The following FMN1 variants were observed in gnomAD, a reference collection of about 807,000 sequenced individuals.
FMN1 encodes the protein formin-1.
Under a neutral mutation model 132.4 loss-of-function variants are expected in FMN1, and 110 were observed. The observed-to-expected ratio is 0.83, with a 90% confidence interval of 0.71 to 0.97. The LOEUF (loss-of-function observed/expected upper bound fraction) is 0.97. FMN1 is among the 50% of genes least tolerant of loss of function. The pLI, the probability that FMN1 is intolerant of heterozygous loss-of-function variation, is 0.00. For synonymous variants in FMN1, 722 were observed against 651.7 expected, an observed-to-expected ratio of 1.11 and a Z score of -1.64; for missense variants, 1,792 against 1,705.3, an observed-to-expected ratio of 1.05 and a Z score of -0.90.
chr15:32,876,818 A>G (rs527266720), intron 16 of FMN1, among the ~76,000 whole-genome samples: 57 of 152,386 alleles, frequency 3.7e-4, no homozygotes, highest in Non-Finnish European at 6.9e-4. Flanking sequence ...CGACAGATTC[A>G]TAATTCAAGT....
intron 9 of FMN1, among the ~76,000 whole-genome samples, chr15:32,944,045 A>T (rs72719339): frequency 0.019 from 2,887 of 152,276 alleles, 101 homozygotes; most frequent in East Asian, 0.12. Context: ...CTAATATGGC[A>T]GTGACTACAA....
intron 15 of FMN1, among the ~76,000 whole-genome samples, chr15:32,891,854 G>T (rs1195384442): frequency 6.6e-6 from 1 of 152,004 alleles, no homozygotes; most frequent in African/African-American, 2.4e-5. Context: ...TTGATTCTCT[G>T]CTTGGTCACT....
intron 17 of FMN1, among the ~76,000 whole-genome samples, chr15:32,830,455 T>C (rs2058472986): frequency 6.6e-6 from 1 of 152,202 alleles, no homozygotes. Flanking sequence ...TTTTCACCTC[T>C]AGATGAATTT....
At chr15:33,119,543 C>CTA (rs1275082777) in intron 4 of FMN1, among the ~76,000 whole-genome samples, 8 of 152,302 alleles carry the variant, frequency 5.3e-5, no homozygotes, top group African/African-American at 1.9e-4. Flanking sequence ...GGTTTCGCCA[C>CTA]TTTATAGCCC....
chr15:32,984,069 T>C (rs1415831894), intron 7 of FMN1, among the ~76,000 whole-genome samples: 1 of 152,210 alleles, frequency 6.6e-6, no homozygotes, highest in Non-Finnish European at 1.5e-5. Flanking sequence ...TACCGCATTA[T>C]ACTTATGATG....
chr15:33,090,950 A>G (rs111835741), intron 4 of FMN1, among the ~76,000 whole-genome samples: 5 of 152,174 alleles, frequency 3.3e-5, no homozygotes, highest in African/African-American at 7.2e-5. Flanking sequence ...CTTTGGCATA[A>G]ATTTTTTAAA....
chr15:32,848,368 TAG>T (rs947449566), intron 17 of FMN1, among the ~76,000 whole-genome samples: 3 of 149,054 alleles, frequency 2.0e-5, no homozygotes, highest in African/African-American at 5.2e-5. Context: ...GTGTGTGTAT[TAG>T]ACTGTCTTGA....
chr15:32,829,238 A>T (rs1237338720), intron 17 of FMN1, among the ~76,000 whole-genome samples: 1 of 152,232 alleles, frequency 6.6e-6, no homozygotes, highest in African/African-American at 2.4e-5. Context: ...TGCAATATAT[A>T]ATCTAAGATG....
chr15:33,157,655 G>C (rs1964726940), intron 3 of FMN1, among the ~76,000 whole-genome samples: 1 of 151,874 alleles, frequency 6.6e-6, no homozygotes, highest in African/African-American at 2.4e-5. Context: ...TGTTAACTTG[G>C]TGTTACATAA....
chr15:33,124,998 A>C (rs1293233793), intron 4 of FMN1, among the ~76,000 whole-genome samples: 1 of 152,172 alleles, frequency 6.6e-6, no homozygotes, highest in Non-Finnish European at 1.5e-5. Context: ...TATTCCTGGA[A>C]TGTATAAAAT....
chr15:32,940,569 A>G (rs191089676), intron 9 of FMN1, among the ~76,000 whole-genome samples: 1 of 152,024 alleles, frequency 6.6e-6, no homozygotes, highest in Admixed American at 6.6e-5. Context: ...AAATGCCAAG[A>G]CTCTTATTTA....
intron 9 of FMN1, among the ~76,000 whole-genome samples, chr15:32,935,353 T>A (rs758049915): frequency 6.6e-6 from 1 of 152,228 alleles, no homozygotes; most frequent in Non-Finnish European, 1.5e-5. Flanking sequence ...TGGGGTGCCC[T>A]TATATGAGTT....
rs2030940711 is a variant in FMN1, at chr15:32,964,130, C to A, written c.3115G>T (p.Glu1039Ter). 1 of 1,611,700 alleles carries A rather than the reference C, an allele frequency of 6.2e-7. No homozygotes were observed. The highest frequency in any genetic ancestry group is 1.7e-5 in the Admixed American group (1 of 59,618). The part of the protein sequence containing the change: ...QKKKPLSETY[E>*]KKNKVKKIIK... ...ACCTTTTTGACCTTGTTTTTCTTCT[C>A]ATAAGTCTCTGACAGAGGTTTTTTC... Residue 1039 changes from glutamate to a stop codon, truncating the protein, a stop_gained, in exon 9 of 21, where the codon GAG becomes TAG. Transcript: ENST00000616417. LOFTEE classifies it high-confidence loss of function.
intron 16 of FMN1, among the ~76,000 whole-genome samples, chr15:32,864,995 G>A (rs1016810754): frequency 2.6e-5 from 4 of 152,122 alleles, no homozygotes; most frequent in African/African-American, 9.7e-5. Flanking sequence ...AGTAAGAAAA[G>A]CCAATCACAA....
At chr15:32,861,818 C>A (rs931279454) in intron 16 of FMN1, among the ~76,000 whole-genome samples, 2 of 152,136 alleles carry the variant, frequency 1.3e-5, no homozygotes, top group South Asian at 4.1e-4. Flanking sequence ...CTGAAGAATG[C>A]AGGCGAAGTC....
chr15:32,819,338 G>A (rs972305014), intron 17 of FMN1, among the ~76,000 whole-genome samples: 17 of 152,144 alleles, frequency 1.1e-4, no homozygotes, highest in Non-Finnish European at 2.2e-4. Flanking sequence ...ATGCCCAGCA[G>A]GATAGTAGCA....
chr15:33,094,690 A>C (rs1049220379), intron 4 of FMN1, among the ~76,000 whole-genome samples: 1 of 152,230 alleles, frequency 6.6e-6, no homozygotes, highest in Non-Finnish European at 1.5e-5. Context: ...TAAATGAAAT[A>C]GCATTTTAAG....
At chr15:32,894,387 G>C (rs571062479) in intron 15 of FMN1, among the ~76,000 whole-genome samples, 1 of 151,948 alleles carries the variant, frequency 6.6e-6, no homozygotes, top group Non-Finnish European at 1.5e-5. Flanking sequence ...GGAAGGCTGA[G>C]GCACGAGAAT....
At chr15:33,042,706 T>C (rs761808636) in intron 6 of FMN1, among the ~76,000 whole-genome samples, 2 of 151,890 alleles carry the variant, frequency 1.3e-5, no homozygotes, top group Non-Finnish European at 2.9e-5. Context: ...AAACTGATAA[T>C]AACAGCTTAC....
Sources: gnomAD v4.1 joint callset for allele counts (sites outside exome capture counted in the v4.1 genomes callset) on GRCh38, gnomAD v4.1.1 for gene constraint, MANE v1.5 for transcripts, NCBI Gene and HGNC (gene_info 2026-07-23, HGNC 2026-07-21) for gene names.